The following FBXL2 variants were observed in gnomAD, a reference collection of about 807,000 sequenced individuals.
FBXL2 encodes the protein F-box/LRR-repeat protein 2.
In FBXL2, 38 loss-of-function variants were observed where a neutral mutation model predicts 69.2. The ratio of observed to expected loss-of-function variants is 0.55; its 90% CI spans 0.42 to 0.72. The LOEUF (loss-of-function observed/expected upper bound fraction) is 0.72, where lower values mean the gene tolerates loss of function less well. FBXL2 is among the 30% of genes least tolerant of loss of function. The pLI is 0.00. For missense variants in FBXL2, 354 were observed against 520.3 expected, an observed-to-expected ratio of 0.68 and a Z score of 3.11; for synonymous variants, 192 against 201.3, an observed-to-expected ratio of 0.95 and a Z score of 0.39.
intron 2 of FBXL2, among the ~76,000 whole-genome samples, chr3:33,341,362 A>T (rs1316605117): frequency 6.6e-6 from 1 of 152,190 alleles, no homozygotes; most frequent in Non-Finnish European, 1.5e-5. Context: ...GAAAGAAGGG[A>T]TGGAAGGAGG....
chr3:33,316,302 A>T (rs1337023056), intron 2 of FBXL2, among the ~76,000 whole-genome samples: 1 of 151,684 alleles, frequency 6.6e-6, no homozygotes, highest in Non-Finnish European at 1.5e-5. Flanking sequence ...CAAGTGATCC[A>T]CCCACCTCAG....
chr3:33,341,809 G>A (rs1489471184), intron 2 of FBXL2, among the ~76,000 whole-genome samples: 1 of 124,794 alleles, frequency 8.0e-6, no homozygotes, highest in African/African-American at 3.0e-5. Flanking sequence ...CAGCCTAGGT[G>A]ACAGAGCAAG....
At chr3:33,375,247 T>G (rs777880466) in intron 9 of FBXL2, 41 bp from the exon 10 acceptor site, 1 of 1,595,248 alleles carries the variant, frequency 6.3e-7, no homozygotes. Context: ...TTGGTATTGC[T>G]GGTGTCCTCT....
chr3:33,416,832 G>T, the FBXL2 span: 2 of 1,612,560 alleles, frequency 1.2e-6, no homozygotes, highest in South Asian at 1.1e-5. Flanking sequence ...TCATATGACT[G>T]ACCTATTTAA....
Position 33,277,471 on chromosome 3 carries a change from C to G in FBXL2, c.-42C>G. 3.1e-6 allele frequency: 4 copies of G among 1,274,854 alleles called. No homozygotes were observed. Among genetic ancestry groups the G allele is most frequent in the Non-Finnish European group, 4.0e-6 (4 of 1,003,114 alleles). 79.0% of individuals were successfully genotyped at this position (1,274,854 alleles called of 1,614,324 possible). ...CCAGGACAACGGGCGTCGCCGGCGC[C>G]GTGTGACTTCGGGCTGTGGGCTCGC... is the stretch of plus-strand genomic sequence containing the variant. On this transcript the variant is annotated 5_prime_UTR_variant, in exon 1 of 15. Transcript: ENST00000484457.
At chr3:33,357,172 A>G (rs1221866525) in intron 2 of FBXL2, among the ~76,000 whole-genome samples, 3 of 152,240 alleles carry the variant, frequency 2.0e-5, no homozygotes, top group Non-Finnish European at 4.4e-5. Context: ...TGTTATTACC[A>G]GTATTGTTAT....
At chr3:33,399,221 G>A (rs1458082211) in intron 12 of FBXL2, among the ~76,000 whole-genome samples, 1 of 152,146 alleles carries the variant, frequency 6.6e-6, no homozygotes, top group Non-Finnish European at 1.5e-5. Context: ...GCCAGGCCAT[G>A]TTACTAGGTG....
downstream of FBXL2, among the ~76,000 whole-genome samples, chr3:33,406,364 T>C (rs1282369382): frequency 6.6e-6 from 1 of 152,238 alleles, no homozygotes; most frequent in East Asian, 1.9e-4. Context: ...CTAGCAAATC[T>C]AATCATGGGT....
At chr3:33,418,581 G>A in the FBXL2 span, among the ~76,000 whole-genome samples, 1 of 151,810 alleles carries the variant, frequency 6.6e-6, no homozygotes, top group Non-Finnish European at 1.5e-5. Flanking sequence ...TAATTAGGCT[G>A]CGCGCAGTGG....
chr3:33,284,446 T>G (rs1171208074), intron 1 of FBXL2, among the ~76,000 whole-genome samples: 1 of 152,238 alleles, frequency 6.6e-6, no homozygotes, highest in African/African-American at 2.4e-5. Context: ...TTACATTTGC[T>G]GAGGAGTGCT....
At chr3:33,280,770 T>G (rs918740230) in intron 1 of FBXL2, among the ~76,000 whole-genome samples, 2 of 151,912 alleles carry the variant, frequency 1.3e-5, no homozygotes, top group Non-Finnish European at 2.9e-5. Flanking sequence ...TGTTTAAATT[T>G]TAATTCATAT....
chr3:33,417,213 A>G, the FBXL2 span, among the ~76,000 whole-genome samples: 1 of 152,192 alleles, frequency 6.6e-6, no homozygotes, highest in African/African-American at 2.4e-5. Flanking sequence ...AGAGTTGTGC[A>G]ACCATCACCA....
intron 2 of FBXL2, among the ~76,000 whole-genome samples, chr3:33,347,871 A>AT (rs537224972): frequency 7.8e-4 from 117 of 150,714 alleles, no homozygotes; most frequent in Middle Eastern, 3.4e-3. Flanking sequence ...GGATTGTTAG[A>AT]TTTTTTTTTC....
chr3:33,341,563 C>T (rs1005256661), intron 2 of FBXL2, among the ~76,000 whole-genome samples: 1 of 152,114 alleles, frequency 6.6e-6, no homozygotes, highest in African/African-American at 2.4e-5. Context: ...AGCATGGTGG[C>T]TCACGCCTGT....
At chr3:33,305,212 A>G (rs2036609958) in intron 2 of FBXL2, among the ~76,000 whole-genome samples, 1 of 151,902 alleles carries the variant, frequency 6.6e-6, no homozygotes. Context: ...AGACAAAGAG[A>G]TAGTCACATG....
chr3:33,402,657 C>T (rs1447818802), intron 12 of FBXL2: 7 of 517,670 alleles, frequency 1.4e-5, no homozygotes, highest in Non-Finnish European at 2.2e-5. Context: ...TGATTGTCCT[C>T]TGCCACCAAG....
At chr3:33,329,191 A>G (rs1483790046) in intron 2 of FBXL2, among the ~76,000 whole-genome samples, 1 of 152,220 alleles carries the variant, frequency 6.6e-6, no homozygotes, top group African/African-American at 2.4e-5. Context: ...CACCAGAGAA[A>G]TAGACATTAA....
At chr3:33,329,269 A>T (rs1026725724) in intron 2 of FBXL2, among the ~76,000 whole-genome samples, 5 of 152,184 alleles carry the variant, frequency 3.3e-5, no homozygotes, top group African/African-American at 1.2e-4. Context: ...GGAGTAAAAG[A>T]TGCTGACAAA....
At chr3:33,365,655 AG>A (rs2041905946) in intron 5 of FBXL2, among the ~76,000 whole-genome samples, 1 of 152,106 alleles carries the variant, frequency 6.6e-6, no homozygotes, top group African/African-American at 2.4e-5. Context: ...TGGGAGGCTG[AG>A]GTGGAACGAT....
Sources: allele counts gnomAD v4.1 joint callset (sites outside exome capture counted in the v4.1 genomes callset), GRCh38; gene constraint gnomAD v4.1.1; transcripts MANE v1.5; gene names NCBI Gene and HGNC (gene_info 2026-07-23, HGNC 2026-07-21).